Variants in RETSAT observed in about 807,000 individuals in gnomAD.
The protein encoded by RETSAT is all-trans-retinol 13,14-reductase.
A neutral mutation model predicts 61.6 loss-of-function variants in RETSAT; 35 were observed. The observed-to-expected ratio is 0.57, with a 90% CI of 0.43 to 0.75. The LOEUF is 0.75. Among genes scored for constraint, RETSAT ranks in the 30% least tolerant of loss-of-function variants. The pLI is 0.00. For missense variants in RETSAT, 670 were observed against 759.5 expected, an observed-to-expected ratio of 0.88 and a Z score of 1.38; for synonymous variants, 277 against 310.4, an observed-to-expected ratio of 0.89 and a Z score of 1.13.
Position 85,341,959 on chromosome 2 carries a change from T to G in RETSAT, c.*1283A>C, listed in dbSNP as rs1683097822. 1.6e-6 allele frequency: 1 copy of G among 635,256 alleles called. No homozygotes were observed. Among genetic ancestry groups the G allele is most frequent in the East Asian group, 2.8e-5 (1 of 35,972 alleles). 39.4% of individuals were successfully genotyped at this position (635,256 alleles called of 1,614,324 possible). The stretch of plus-strand genomic sequence containing the variant: ...AGGCGCAGACCCCACTTTTTGTAAC[T>G]TTATAATTACTTAATTTTATTTTTT... On this transcript the variant is annotated 3_prime_UTR_variant, in exon 11 of 11. Transcript: ENST00000295802.
At chr2:85,352,077 G>T (rs1683307587) in intron 1 of RETSAT, among the ~76,000 whole-genome samples, 1 of 152,106 alleles carries the variant, frequency 6.6e-6, no homozygotes, top group Non-Finnish European at 1.5e-5. Flanking sequence ...TGTTTTTTGA[G>T]ACAAGGTCTC....
chr2:85,351,740 G>T lies in RETSAT; in HGVS notation c.295C>A (p.His99Asn), dbSNP rs1005314039. Residue 99 changes from histidine to asparagine, a missense_variant, in exon 2 of 11, where the codon CAT becomes AAT. Coordinates refer to ENST00000295802, the MANE Select transcript of RETSAT (RefSeq NM_017750.4). ...TGACAGCAGCCCCCTGCCTTGGTATGTTGTTCCAGCACCAGGACTCGCTTG... is the reference window on the plus strand; with the variant it reads ...TGACAGCAGCCCCCTGCCTTGGTATTTTGTTCCAGCACCAGGACTCGCTTG... ...AGKRVLVLEQ[H>N]TKAGGCCHTF... is the part of the protein sequence containing the mutation. 2.5e-6 allele frequency: 4 copies of T among 1,614,068 alleles called. No individual in the cohort carries two copies. Among genetic ancestry groups the T allele is most frequent in the African/African-American group, 2.7e-5 (2 of 74,920 alleles).
At chr2:85,344,758 G>C in intron 6 of RETSAT, 26 bp from the exon 7 acceptor site, 1 of 1,611,120 alleles carries the variant, frequency 6.2e-7, no homozygotes, top group Admixed American at 1.7e-5. Flanking sequence ...GTTGGTGCCT[G>C]TGTGGACCAT....
At chr2:85,351,966 C>G (rs1683306399) in intron 1 of RETSAT, 104 bp from the exon 2 acceptor site, 1 of 1,081,260 alleles carries the variant, frequency 9.2e-7, no homozygotes, top group African/African-American at 1.6e-5. Context: ...GTGCAAGAAA[C>G]CTCTAGAGTG....
intron 5 of RETSAT, among the ~76,000 whole-genome samples, chr2:85,348,446 C>T (rs1348681588): frequency 6.6e-6 from 1 of 151,930 alleles, no homozygotes; most frequent in African/African-American, 2.4e-5. Context: ...CTGGCTAACA[C>T]ATGGTGAAAC....
Position 85,344,047 on chromosome 2 carries a change from T to C in RETSAT, c.1485A>G (p.Glu495=). ...DYETFKNSFV[E]ASMSVVLKLF... Reference sequence around the variant, plus strand: ...GTTTCAGGACCACTGACATAGAGGCTTCCACAAAGGAGTTTTTGAAGGTCT... The same window carrying C: ...GTTTCAGGACCACTGACATAGAGGCCTCCACAAAGGAGTTTTTGAAGGTCT... The change falls in exon 9 of 11, where the codon GAA becomes GAG. Residue 495 remains glutamate, a synonymous_variant. Coordinates refer to ENST00000295802, the MANE Select transcript of RETSAT (RefSeq NM_017750.4). The C allele has an allele frequency of 6.2e-7, 1 of 1,614,134 alleles. No individual in the cohort carries two copies. The highest frequency in any genetic ancestry group is 1.1e-5 in the South Asian group (1 of 91,088).
At position 85,344,594 on chromosome 2, in the gene RETSAT, G is replaced by T. The variant is rs750768086; in HGVS notation, c.1256C>A (p.Ala419Glu). ...ACATACACACACACGTGCACCTTAC[G>T]CCTGGTCCATGTCCGTGTCATAGTA... The part of the protein sequence containing the change: ...YVYYDTDMDQ[A>E]MERYVSMPRE... The change falls in exon 7 of 11, where the codon GCG becomes GAG. Residue 419 changes from alanine (A) to glutamate (E), a missense_variant and splice_region_variant. Coordinates refer to ENST00000295802, the MANE Select transcript of RETSAT (RefSeq NM_017750.4). 2.5e-6 allele frequency: 4 copies of T among 1,613,962 alleles called. No homozygotes were observed. The highest frequency in any genetic ancestry group is 1.3e-5 in the African/African-American group (1 of 74,912).
Position 85,344,745 on chromosome 2 carries a change from G to A in RETSAT, c.1118-13C>T, listed in dbSNP as rs1683160884. On this transcript the variant is annotated splice_polypyrimidine_tract_variant and intron_variant, in intron 6 of 10. Coordinates refer to ENST00000295802, the MANE Select transcript of RETSAT (RefSeq NM_017750.4). ...TGCTGCTTCACACCTGCCAGGGGGAGTGGTTGGTGCCTGTGTGGACCATGG... is the reference window on the plus strand; with the variant it reads ...TGCTGCTTCACACCTGCCAGGGGGAATGGTTGGTGCCTGTGTGGACCATGG... 6.2e-7 allele frequency: 1 copy of A among 1,613,532 alleles called. No individual in the cohort carries two copies.
intron 4 of RETSAT, 47 bp downstream of exon 4, chr2:85,349,993 G>T: frequency 1.3e-6 from 2 of 1,560,562 alleles, no homozygotes; most frequent in South Asian, 1.1e-5. Context: ...TGAGAGGGCA[G>T]CCGTTCCTCC....
At chr2:85,345,706 T>G (rs1242241268) in intron 6 of RETSAT, 1 of 558,374 alleles carries the variant, frequency 1.8e-6, no homozygotes, top group Non-Finnish European at 3.3e-6. Flanking sequence ...GGAGCGGAGC[T>G]TTCAAATCAG....
chr2:85,345,758 C>A, intron 6 of RETSAT: 1 of 690,424 alleles, frequency 1.4e-6, no homozygotes, highest in Non-Finnish European at 2.6e-6. Context: ...AGCTGAGTGG[C>A]CTCAGGACTG....
chr2:85,348,584 T>A (rs184458943), intron 5 of RETSAT, among the ~76,000 whole-genome samples: 6,071 of 111,258 alleles, frequency 0.055, 198 homozygotes, highest in South Asian at 0.18. Context: ...TGAGCCGAGA[T>A]CACACCACTG....
Position 85,354,329 on chromosome 2 carries a change from CT to C in RETSAT, c.172+6del. Reference sequence around the variant, plus strand: ...GCAGCCCCGGACCCCAGGGTCCCTCCTGCTACCTTGTTTGAGAACCTTCTTC... The same window carrying C: ...GCAGCCCCGGACCCCAGGGTCCCTCCGCTACCTTGTTTGAGAACCTTCTTC... On this transcript the variant is annotated splice_donor_region_variant and intron_variant, in intron 1 of 10. Transcript: ENST00000295802. The C allele has an allele frequency of 6.2e-7, 1 of 1,614,178 alleles. No homozygotes were observed. The highest frequency in any genetic ancestry group is 8.5e-7 in the Non-Finnish European group (1 of 1,180,030).
At chr2:85,348,494 T>C (rs1033761043) in intron 5 of RETSAT, among the ~76,000 whole-genome samples, 5 of 151,364 alleles carry the variant, frequency 3.3e-5, no homozygotes, top group Non-Finnish European at 7.4e-5. Flanking sequence ...TAGCTGGGCG[T>C]GGTGGCGGGC....
At chr2:85,353,032 G>T (rs1254923240) in intron 1 of RETSAT, among the ~76,000 whole-genome samples, 1 of 152,060 alleles carries the variant, frequency 6.6e-6, no homozygotes, top group African/African-American at 2.4e-5. Flanking sequence ...TGTTTTTAGA[G>T]AGATCAATAG....
chr2:85,346,327 T>C (rs1425627754), intron 5 of RETSAT, among the ~76,000 whole-genome samples: 2 of 152,168 alleles, frequency 1.3e-5, no homozygotes, highest in African/African-American at 4.8e-5. Context: ...TGTACCCACC[T>C]GTGTGTGTGT....
rs527702771 is a variant in RETSAT at position 85,342,241 on chromosome 2, A to G, written c.*1001T>C. The G allele has an allele frequency of 3.0e-4, 54 of 181,936 alleles. 1 individual carries two copies. The South Asian group carries it at 4.6e-3, about 15-fold the overall frequency. The allele number at this position is 181,936 out of a possible 1,614,324, so 11.3% of individuals were successfully genotyped here. Reference sequence around the variant, plus strand: ...GCATTCACCTACCTGTCTAACCCTCACATGTGCTAATTAACTGCAAATGCC... The same window carrying G: ...GCATTCACCTACCTGTCTAACCCTCGCATGTGCTAATTAACTGCAAATGCC... On this transcript the variant is annotated 3_prime_UTR_variant, in exon 11 of 11. Coordinates refer to ENST00000295802, the MANE Select transcript of RETSAT (RefSeq NM_017750.4).
Position 85,352,003 on chromosome 2 carries a change from T to C in RETSAT, c.173-141A>G. Reference sequence around the variant, plus strand: ...TTTGGCACAGAACTCTTGACTAACATGTTTCAAACATTTTACCTGGGAATA... The same window carrying C: ...TTTGGCACAGAACTCTTGACTAACACGTTTCAAACATTTTACCTGGGAATA... On this transcript the variant is annotated intron_variant, in intron 1 of 10. Coordinates refer to ENST00000295802, the MANE Select transcript of RETSAT (RefSeq NM_017750.4). 4 of 731,150 alleles carry C rather than the reference T, an allele frequency of 5.5e-6. No homozygotes were observed. In the South Asian group the frequency reaches 5.8e-5, roughly 11 times the overall value. 45.3% of individuals were successfully genotyped at this position (731,150 alleles called of 1,614,324 possible).
At chr2:85,352,472 G>C (rs1010521039) in intron 1 of RETSAT, among the ~76,000 whole-genome samples, 1 of 151,814 alleles carries the variant, frequency 6.6e-6, no homozygotes, top group African/African-American at 2.4e-5. Flanking sequence ...GGATGGTCTC[G>C]ATCTCCTGAC....
Sources: allele counts gnomAD v4.1 joint callset (sites outside exome capture counted in the v4.1 genomes callset), GRCh38; gene constraint gnomAD v4.1.1; transcripts MANE v1.5; gene names NCBI Gene and HGNC (gene_info 2026-07-23, HGNC 2026-07-21).